Variants in FTCDNL1 observed in about 807,000 individuals in gnomAD.
The protein encoded by FTCDNL1 is formiminotransferase cyclodeaminase N-terminal like, also known as formiminotransferase N-terminal subdomain-containing protein.
FTCDNL1 carries 11 observed loss-of-function variants against 5.9 expected under a neutral mutation model. The ratio of observed to expected loss-of-function variants is 1.87; its 90% CI spans 1.18 to 3.10. The LOEUF is 3.10. Ranked by LOEUF, FTCDNL1 falls within the 30% of genes most tolerant of loss-of-function variation. The pLI is 0.00. For synonymous variants in FTCDNL1, 58 were observed against 24.8 expected (o/e 2.34, Z -3.99); for missense variants, 115 against 65.5 (o/e 1.76, Z -2.61).
intron 3 of FTCDNL1, among the ~76,000 whole-genome samples, chr2:199,796,620 A>C (rs1700184843): frequency 6.6e-6 from 1 of 152,196 alleles, no homozygotes; most frequent in Non-Finnish European, 1.5e-5. Context: ...ATTTTAAAGG[A>C]TAATTGAAGA....
chr2:199,697,591 A>G, the FTCDNL1 span, among the ~76,000 whole-genome samples: 1 of 152,242 alleles, frequency 6.6e-6, no homozygotes, highest in Non-Finnish European at 1.5e-5. Context: ...AAGGGAATTC[A>G]TTACCACCAG....
At chr2:199,787,241 G>A (rs1377907595) in intron 3 of FTCDNL1, among the ~76,000 whole-genome samples, 2 of 151,718 alleles carry the variant, frequency 1.3e-5, no homozygotes, top group African/African-American at 4.9e-5. Flanking sequence ...GAGTGCAAGT[G>A]GCACGATCTT....
the FTCDNL1 span, among the ~76,000 whole-genome samples, chr2:199,714,472 A>G: frequency 6.6e-6 from 1 of 152,242 alleles, no homozygotes; most frequent in Non-Finnish European, 1.5e-5. Context: ...AAGTAATGGC[A>G]TAACTAAGAG....
chr2:199,812,620 C>T lies in FTCDNL1; in HGVS notation c.*85G>A, dbSNP rs1701100129. The stretch of plus-strand genomic sequence containing the variant: ...GCAGTTTCGCTCCACTCCCGCCTCC[C>T]GCAGATTGGCACTCAGCTGCTCTGG... On this transcript the variant is annotated 3_prime_UTR_variant, in exon 5 of 5. Transcript: ENST00000420128. The T allele has an allele frequency of 1.1e-5, 6 of 570,210 alleles. No individual in the cohort carries two copies. Among genetic ancestry groups the T allele is most frequent in the Middle Eastern group, 2.6e-4 (1 of 3,874 alleles). 35.3% of individuals were successfully genotyped at this position (570,210 alleles called of 1,614,324 possible). A position where few individuals can be genotyped will look rare whatever the true frequency, so the allele number is the denominator to read the frequency against.
At chr2:199,701,976 A>C in the FTCDNL1 span, among the ~76,000 whole-genome samples, 1 of 152,188 alleles carries the variant, frequency 6.6e-6, no homozygotes, top group Non-Finnish European at 1.5e-5. Flanking sequence ...TGGAGGTTGC[A>C]ATGATCTGAG....
chr2:199,738,496 C>T, the FTCDNL1 span, among the ~76,000 whole-genome samples: 2 of 152,244 alleles, frequency 1.3e-5, no homozygotes, highest in Middle Eastern at 3.4e-3. Context: ...GTGAAGATCA[C>T]GTTTAATGGA....
chr2:199,713,895 G>A, the FTCDNL1 span, among the ~76,000 whole-genome samples: 119,443 of 152,066 alleles, frequency 0.79, 48,402 homozygotes, highest in South Asian at 0.93. Context: ...AAATGACATC[G>A]AAGTCTCACT....
chr2:199,846,564 A>C (rs370830982), intron 2 of FTCDNL1, among the ~76,000 whole-genome samples: 55 of 152,304 alleles, frequency 3.6e-4, no homozygotes, highest in African/African-American at 1.3e-3. Flanking sequence ...CAAAATCCAG[A>C]AACTAAACTG....
intron 3 of FTCDNL1, among the ~76,000 whole-genome samples, chr2:199,765,554 A>ATTTTT: frequency 7.8e-4 from 47 of 60,386 alleles, no homozygotes; most frequent in South Asian, 2.3e-3. Flanking sequence ...ATATATATAT[A>ATTTTT]TATTTTTTTT....
intron 3 of FTCDNL1, among the ~76,000 whole-genome samples, chr2:199,769,586 G>C (rs1469719727): frequency 6.6e-6 from 1 of 152,182 alleles, no homozygotes; most frequent in Non-Finnish European, 1.5e-5. Flanking sequence ...CTAATACAAG[G>C]AGAGGGAAGA....
chr2:199,746,398 A>C, the FTCDNL1 span, among the ~76,000 whole-genome samples: 3 of 152,184 alleles, frequency 2.0e-5, no homozygotes, highest in Admixed American at 6.5e-5. Flanking sequence ...GACAAGTTAG[A>C]ATCCACTCTT....
rs1701548667 is a variant in FTCDNL1, at chr2:199,819,459, A to G, written c.397+113T>C. ...AGAAAGGAGAGCCTCACCCATTTCA[A>G]GAAGCAGCCACCCCTATAACTCTTC... On this transcript the variant is annotated intron_variant, in intron 4 of 4. Transcript: ENST00000420128. 3 of 629,212 alleles carry G rather than the reference A, an allele frequency of 4.8e-6. No individual in the cohort carries two copies. In the African/African-American group the frequency reaches 5.5e-5, roughly 12 times the overall value. The allele number at this position is 629,212 out of a possible 1,614,324, so 39.0% of individuals were successfully genotyped here. A position where few individuals can be genotyped will look rare whatever the true frequency, so the allele number is the denominator to read the frequency against.
At chr2:199,769,878 T>C (rs950679672) in intron 3 of FTCDNL1, among the ~76,000 whole-genome samples, 2 of 152,206 alleles carry the variant, frequency 1.3e-5, no homozygotes, top group African/African-American at 4.8e-5. Context: ...GAATCATCTG[T>C]TTCCTACAAG....
At chr2:199,747,799 C>G in the FTCDNL1 span, among the ~76,000 whole-genome samples, 1 of 152,136 alleles carries the variant, frequency 6.6e-6, no homozygotes, top group Non-Finnish European at 1.5e-5. Flanking sequence ...TCTGCTTTGC[C>G]AGAAACCCTA....
chr2:199,749,642 T>A, the FTCDNL1 span, among the ~76,000 whole-genome samples: 1 of 152,218 alleles, frequency 6.6e-6, no homozygotes, highest in African/African-American at 2.4e-5. Context: ...TCATTTTGCA[T>A]GGACTGATTC....
intron 3 of FTCDNL1, among the ~76,000 whole-genome samples, chr2:199,781,491 A>T (rs1699357539): frequency 6.6e-6 from 1 of 152,152 alleles, no homozygotes; most frequent in African/African-American, 2.4e-5. Context: ...CTTCTCTTTC[A>T]TCCAATCCAA....
rs117300867 is a variant in FTCDNL1 at position 199,792,546 on chromosome 2, G to A, written c.212-31711C>T. Among the ~76,000 whole-genome samples, 10 of 152,200 alleles carry A rather than the reference G, an allele frequency of 6.6e-5. No homozygotes were observed. In the East Asian group the frequency reaches 1.5e-3, roughly 24 times the overall value. On this transcript the variant is annotated intron_variant, in intron 3 of 3. Coordinates refer to the FTCDNL1 transcript ENST00000416668. ...GCAAAACCAAATTTCTGTACCTTTC[G>A]TGCCTGACTACATACATGCCTACCA...
chr2:199,767,345 A>G (rs767263849), intron 3 of FTCDNL1, among the ~76,000 whole-genome samples: 1 of 152,170 alleles, frequency 6.6e-6, no homozygotes, highest in Admixed American at 6.5e-5. Flanking sequence ...TCATTTCACA[A>G]CAGCCAAGAA....
the FTCDNL1 span, among the ~76,000 whole-genome samples, chr2:199,674,259 A>C: frequency 1.7e-4 from 26 of 152,126 alleles, no homozygotes; most frequent in Non-Finnish European, 1.8e-4. Context: ...AAGAATCAAG[A>C]CAGTACAATG....
Sources: gnomAD v4.1 joint callset for allele counts (sites outside exome capture counted in the v4.1 genomes callset) on GRCh38, gnomAD v4.1.1 for gene constraint, MANE v1.5 for transcripts, NCBI Gene and HGNC (gene_info 2026-07-23, HGNC 2026-07-21) for gene names.